APELA: variants seen among roughly 807,000 people sequenced by gnomAD.
APELA encodes the protein protein Elabela.
chr4:164,882,231 G>A (rs971276315), intron 2 of APELA, among the ~76,000 whole-genome samples: 4 of 152,012 alleles, frequency 2.6e-5, no homozygotes, highest in African/African-American at 7.2e-5. Context: ...AGCCTCCCGA[G>A]TAGCTGGGAT....
At chr4:164,893,714 C>G (rs1477836413) in intron 2 of APELA, among the ~76,000 whole-genome samples, 1 of 152,086 alleles carries the variant, frequency 6.6e-6, no homozygotes, top group African/African-American at 2.4e-5. Context: ...CAGAAATATG[C>G]CTTTGCAAAG....
intron 2 of APELA, among the ~76,000 whole-genome samples, chr4:164,881,195 C>T (rs888230025): frequency 1.3e-5 from 2 of 152,312 alleles, no homozygotes; most frequent in African/African-American, 4.8e-5. Context: ...GGTAAATGTA[C>T]TGTAAACCTA....
intron 2 of APELA, among the ~76,000 whole-genome samples, chr4:164,889,645 G>C (rs993641973): frequency 6.6e-6 from 1 of 152,100 alleles, no homozygotes; most frequent in African/African-American, 2.4e-5. Flanking sequence ...GTGGTTTCTT[G>C]CACCTATCAA....
chr4:164,893,201 A>G (rs556710838), intron 2 of APELA, among the ~76,000 whole-genome samples: 3 of 152,158 alleles, frequency 2.0e-5, no homozygotes, highest in Admixed American at 6.5e-5. Context: ...TAGGTATTCA[A>G]TTGGGATCTT....
intron 2 of APELA, among the ~76,000 whole-genome samples, chr4:164,883,774 CT>C (rs1730705323): frequency 6.6e-6 from 1 of 151,940 alleles, no homozygotes; most frequent in African/African-American, 2.4e-5. Context: ...GCATGAGCCA[CT>C]GTGTGTGGCC....
chr4:164,898,485 A>G (rs1187197042), downstream of APELA, among the ~76,000 whole-genome samples: 1 of 148,680 alleles, frequency 6.7e-6, no homozygotes, highest in Non-Finnish European at 1.5e-5. Context: ...CTGGGCAACA[A>G]GAGCAAAACT....
At chr4:164,892,713 A>G (rs1050033244) in intron 2 of APELA, among the ~76,000 whole-genome samples, 8 of 152,206 alleles carry the variant, frequency 5.3e-5, no homozygotes, top group African/African-American at 1.9e-4. Context: ...TAATTCATTT[A>G]TAGGATTCAC....
intron 1 of APELA, 69 bp from the exon 2 acceptor site, chr4:164,878,851 C>T (rs1730604985): frequency 7.5e-6 from 3 of 398,306 alleles, no homozygotes; most frequent in Admixed American, 4.4e-5. Context: ...AATATGTTTG[C>T]ATTGTCTAGA....
rs2111045273 is a variant in APELA, at chr4:164,877,286, T to C, written c.-46T>C. On this transcript the variant is annotated 5_prime_UTR_variant, in exon 1 of 3. Transcript: ENST00000507152. The stretch of plus-strand genomic sequence containing the variant: ...ATTGCACAGACTATTTACAGATCGT[T>C]TGGTTTACATTGAGAGTCATTGCTC... 3 of 398,846 alleles carry C rather than the reference T, an allele frequency of 7.5e-6. No individual in the cohort carries two copies. The Middle Eastern group carries it at 1.9e-3, about 251-fold the overall frequency. The allele number at this position is 398,846 out of a possible 1,614,324, so 24.7% of individuals were successfully genotyped here. A position where few individuals can be genotyped will look rare whatever the true frequency, so the allele number is the denominator to read the frequency against.
At chr4:164,898,359 G>A (rs1051095432), downstream of APELA, among the ~76,000 whole-genome samples, 1 of 151,644 alleles carries the variant, frequency 6.6e-6, no homozygotes. Flanking sequence ...AAAATTAGCT[G>A]GGCGTGGTGT....
At chr4:164,884,572 A>G (rs950545628) in intron 2 of APELA, among the ~76,000 whole-genome samples, 3 of 152,122 alleles carry the variant, frequency 2.0e-5, no homozygotes, top group Admixed American at 6.5e-5. Context: ...CCTGTCCCAG[A>G]GGAGATAAGA....
chr4:164,893,688 A>G (rs969674048), intron 2 of APELA, among the ~76,000 whole-genome samples: 4 of 152,164 alleles, frequency 2.6e-5, no homozygotes, highest in African/African-American at 9.6e-5. Context: ...CTTTCAATCT[A>G]TTTTTGGCTT....
chr4:164,880,018 CA>C (rs1164702106), intron 2 of APELA, among the ~76,000 whole-genome samples: 7 of 152,210 alleles, frequency 4.6e-5, no homozygotes, highest in African/African-American at 1.7e-4. Flanking sequence ...AAGTTTAAGT[CA>C]CTTCATACTA....
At chr4:164,894,858 C>T (rs1158671954) in intron 2 of APELA, among the ~76,000 whole-genome samples, 9 of 152,062 alleles carry the variant, frequency 5.9e-5, no homozygotes, top group East Asian at 3.9e-4. Flanking sequence ...TTAGGCAATC[C>T]GAGTTGAGAG....
At chr4:164,890,596 T>C (rs1366355417) in intron 2 of APELA, among the ~76,000 whole-genome samples, 1 of 152,226 alleles carries the variant, frequency 6.6e-6, no homozygotes, top group Non-Finnish European at 1.5e-5. Context: ...TACGACTGAA[T>C]ACAATTCCAT....
chr4:164,897,880 G>A (rs1731003987), downstream of APELA, among the ~76,000 whole-genome samples: 1 of 152,054 alleles, frequency 6.6e-6, no homozygotes, highest in Admixed American at 6.6e-5. Context: ...AATTTTTATG[G>A]GTTGGTATTC....
In APELA at chr4:164,878,965, AGAG is replaced by A. The variant is rs1241496684; in HGVS notation, c.126_128del (p.Arg43del). ...AAACTGCGCAAACACAATTGCCTTC[AGAG>A]GAGATGTATGCCTCTCCATTCACGA... On this transcript the variant is annotated inframe_deletion, in exon 2 of 3. Coordinates refer to ENST00000507152, the MANE Select transcript of APELA (RefSeq NM_001297550.2). 2.5e-6 allele frequency: 1 copy of A among 398,908 alleles called. No individual in the cohort carries two copies. The highest frequency in any genetic ancestry group is 4.4e-6 in the Non-Finnish European group (1 of 226,036). The allele number at this position is 398,908 out of a possible 1,614,324, so 24.7% of individuals were successfully genotyped here.
chr4:164,898,762 A>C (rs751876809), downstream of APELA: 18 of 152,106 alleles, frequency 1.2e-4, no homozygotes, highest in Non-Finnish European at 2.2e-4. Flanking sequence ...TTTGCTGTAC[A>C]TTTGATCAGA....
chr4:164,878,186 AG>A (rs1465849095), intron 1 of APELA, among the ~76,000 whole-genome samples: 4 of 147,686 alleles, frequency 2.7e-5, no homozygotes, highest in African/African-American at 1.0e-4. Context: ...AAAGAAAGAA[AG>A]AAACAGAAAA....
Sources: allele counts gnomAD v4.1 joint callset (sites outside exome capture counted in the v4.1 genomes callset), GRCh38; gene constraint gnomAD v4.1.1; transcripts MANE v1.5; gene names NCBI Gene and HGNC (gene_info 2026-07-23, HGNC 2026-07-21).